Variants in NXPH1 observed in about 807,000 individuals in gnomAD.
NXPH1 encodes neurexophilin 1, also known as neurexophilin-1.
NXPH1 carries 5 observed loss-of-function variants against 23.7 expected under a neutral mutation model. That is an observed-to-expected ratio of 0.21 (90% CI 0.11 to 0.44). The LOEUF is 0.44. Among genes scored for constraint, NXPH1 ranks in the 20% least tolerant of loss-of-function variants. NXPH1 has a pLI of 0.99. For missense variants in NXPH1, 324 were observed against 321.6 expected (o/e 1.01, Z -0.06); for synonymous variants, 144 against 122.2 (o/e 1.18, Z -1.18).
At chr7:8,559,394 A>G (rs544768128) in intron 2 of NXPH1, among the ~76,000 whole-genome samples, 1 of 151,888 alleles carries the variant, frequency 6.6e-6, no homozygotes, top group Non-Finnish European at 1.5e-5. Context: ...TAAATTGGTA[A>G]GACATGCTTT....
intron 2 of NXPH1, among the ~76,000 whole-genome samples, chr7:8,667,057 T>G (rs1353585926): frequency 6.6e-6 from 1 of 152,116 alleles, no homozygotes; most frequent in East Asian, 1.9e-4. Flanking sequence ...GATGACAACT[T>G]TTATCACATT....
At chr7:8,621,883 G>T (rs541734108) in intron 2 of NXPH1, among the ~76,000 whole-genome samples, 1 of 152,110 alleles carries the variant, frequency 6.6e-6, no homozygotes, top group Non-Finnish European at 1.5e-5. Flanking sequence ...CCCTGTAAGT[G>T]GATGAGGCAG....
intron 2 of NXPH1, among the ~76,000 whole-genome samples, chr7:8,508,233 A>G (rs1039214452): frequency 2.0e-5 from 3 of 152,104 alleles, no homozygotes; most frequent in African/African-American, 4.8e-5. Context: ...CTGCATATTT[A>G]TAGGTATATT....
chr7:8,524,434 T>C (rs1817830265), intron 2 of NXPH1, among the ~76,000 whole-genome samples: 1 of 152,092 alleles, frequency 6.6e-6, no homozygotes, highest in African/African-American at 2.4e-5. Context: ...CAGGATCTGC[T>C]TCAGAGGTTC....
intron 2 of NXPH1, chr7:8,690,402 T>C (rs894182291): frequency 6.6e-6 from 1 of 152,220 alleles, no homozygotes; most frequent in African/African-American, 2.4e-5. Flanking sequence ...TAAACCCAAG[T>C]ACTTCACATG....
chr7:8,542,742 C>T (rs1180093027), intron 2 of NXPH1, among the ~76,000 whole-genome samples: 1 of 151,486 alleles, frequency 6.6e-6, no homozygotes, highest in African/African-American at 2.4e-5. Context: ...GGGACAAAAA[C>T]CTATCAACTC....
Position 8,435,418 on chromosome 7 carries a change from C to T in NXPH1, c.-110-186C>T. The stretch of plus-strand genomic sequence containing the variant: ...CTCCCTCTCGTCCGCCCGCCCGCCT[C>T]CCCAGCTGCGGACCGCGCGCTTGCT... On this transcript the variant is annotated intron_variant, in intron 1 of 2. Coordinates refer to ENST00000405863, the MANE Select transcript of NXPH1 (RefSeq NM_152745.3). The surrounding 1 kb of genome is among the most constrained non-coding windows in gnomAD (Gnocchi z 5.9). 6.1e-6 allele frequency: 3 copies of T among 494,960 alleles called. No homozygotes were observed. The highest frequency in any genetic ancestry group is 1.1e-5 in the Non-Finnish European group (3 of 275,210). The allele number at this position is 494,960 out of a possible 1,614,324, so 30.7% of individuals were successfully genotyped here.
At chr7:8,464,228 A>T (rs1430578608) in intron 2 of NXPH1, among the ~76,000 whole-genome samples, 2 of 152,048 alleles carry the variant, frequency 1.3e-5, no homozygotes, top group Non-Finnish European at 2.9e-5. Flanking sequence ...AGACATCTTT[A>T]TATCCCCCCG....
intron 2 of NXPH1, among the ~76,000 whole-genome samples, chr7:8,581,673 TG>T (rs1202010180): frequency 1.3e-5 from 2 of 151,904 alleles, no homozygotes; most frequent in Non-Finnish European, 2.9e-5. Flanking sequence ...GAGCTTAGAG[TG>T]TAGAAAGAAA....
chr7:8,497,422 T>G (rs1817356095), intron 2 of NXPH1, among the ~76,000 whole-genome samples: 1 of 152,178 alleles, frequency 6.6e-6, no homozygotes, highest in African/African-American at 2.4e-5. Flanking sequence ...TTCAAGATCC[T>G]TGAGGAATTG....
chr7:8,708,066 C>G (rs1354842712), intron 2 of NXPH1, among the ~76,000 whole-genome samples: 2 of 152,048 alleles, frequency 1.3e-5, no homozygotes, highest in Non-Finnish European at 2.9e-5. Context: ...TAATTTGAAG[C>G]TGAAAATATT....
At chr7:8,588,721 T>C (rs1363165287) in intron 2 of NXPH1, among the ~76,000 whole-genome samples, 2 of 152,154 alleles carry the variant, frequency 1.3e-5, no homozygotes, top group Non-Finnish European at 2.9e-5. Flanking sequence ...AGTACATTCC[T>C]GTTTATCTTG....
At chr7:8,710,037 G>C (rs563280222) in intron 2 of NXPH1, among the ~76,000 whole-genome samples, 1 of 152,012 alleles carries the variant, frequency 6.6e-6, no homozygotes, top group Non-Finnish European at 1.5e-5. Context: ...TCACTGCAGG[G>C]GTCAGAAAAG....
chr7:8,723,907 A>G (rs977263993), intron 2 of NXPH1, among the ~76,000 whole-genome samples: 4 of 152,218 alleles, frequency 2.6e-5, no homozygotes, highest in African/African-American at 7.2e-5. Context: ...ACTAAAGGGA[A>G]AAGTAGCCAA....
chr7:8,743,750 C>G (rs1167498107), intron 2 of NXPH1, among the ~76,000 whole-genome samples: 1 of 148,768 alleles, frequency 6.7e-6, no homozygotes, highest in Admixed American at 6.7e-5. Flanking sequence ...GTGGCGTGAT[C>G]TTGGTTCACT....
intron 2 of NXPH1, among the ~76,000 whole-genome samples, chr7:8,739,313 G>A (rs1243040157): frequency 6.6e-6 from 1 of 151,588 alleles, no homozygotes; most frequent in Non-Finnish European, 1.5e-5. Flanking sequence ...TGTGGGTTGT[G>A]AAGACTATGG....
At chr7:8,577,017 T>C (rs901419697) in intron 2 of NXPH1, among the ~76,000 whole-genome samples, 2 of 152,136 alleles carry the variant, frequency 1.3e-5, no homozygotes, top group African/African-American at 2.4e-5. Flanking sequence ...AAAATGCAAA[T>C]AATGTTATTA....
intron 2 of NXPH1, among the ~76,000 whole-genome samples, chr7:8,587,234 G>A (rs1225712504): frequency 6.6e-6 from 1 of 151,618 alleles, no homozygotes; most frequent in Non-Finnish European, 1.5e-5. Flanking sequence ...TCCTGGGTTC[G>A]TGTATATATC....
chr7:8,709,525 C>T (rs1210995088), intron 2 of NXPH1, among the ~76,000 whole-genome samples: 2 of 152,094 alleles, frequency 1.3e-5, no homozygotes, highest in Non-Finnish European at 2.9e-5. Context: ...TTTTGAGGCA[C>T]TCTGGGGGTT....
Sources: allele counts gnomAD v4.1 joint callset (sites outside exome capture counted in the v4.1 genomes callset), GRCh38; gene constraint gnomAD v4.1.1; non-coding constraint Gnocchi (gnomAD v3.1); transcripts MANE v1.5; gene names NCBI Gene and HGNC (gene_info 2026-07-23, HGNC 2026-07-21).